The following AHCY variants were observed in gnomAD, a reference collection of about 807,000 sequenced individuals.
AHCY encodes adenosylhomocysteinase, also known as S-adenosyl-L-homocysteine hydrolase.
Under a neutral mutation model 45.4 loss-of-function variants are expected in AHCY, and 24 were observed. The ratio of observed to expected loss-of-function variants is 0.53; its 90% CI spans 0.38 to 0.74. The LOEUF (loss-of-function observed/expected upper bound fraction) is 0.74, where lower values mean the gene tolerates loss of function less well. Among genes scored for constraint, AHCY ranks in the 30% least tolerant of loss-of-function variants. The pLI is 0.00. For synonymous variants in AHCY, 245 were observed against 235.1 expected, an observed-to-expected ratio of 1.04 and a Z score of -0.39; for missense variants, 449 against 594.1, an observed-to-expected ratio of 0.76 and a Z score of 2.54.
At chr20:34,266,662 G>A in the AHCY span, among the ~76,000 whole-genome samples, 1 of 152,124 alleles carries the variant, frequency 6.6e-6, no homozygotes. Context: ...GACACAGCAA[G>A]ACTCCATCTC....
the AHCY span, among the ~76,000 whole-genome samples, chr20:34,268,356 C>A: frequency 6.6e-6 from 1 of 152,026 alleles, no homozygotes; most frequent in Non-Finnish European, 1.5e-5. Context: ...TAACAGGGGT[C>A]GGAGAGGCAA....
the AHCY span, among the ~76,000 whole-genome samples, chr20:34,254,733 C>T: frequency 2.0e-5 from 3 of 152,128 alleles, no homozygotes; most frequent in Non-Finnish European, 4.4e-5. Context: ...CTAACGTTCA[C>T]AAAGTTCTGA....
the AHCY span, among the ~76,000 whole-genome samples, chr20:34,273,550 C>T: frequency 6.6e-6 from 1 of 152,172 alleles, no homozygotes; most frequent in South Asian, 2.1e-4. Flanking sequence ...TTTTGAGCAA[C>T]CACAGATCTA....
At chr20:34,235,544 T>G in the AHCY span, among the ~76,000 whole-genome samples, 1 of 152,254 alleles carries the variant, frequency 6.6e-6, no homozygotes, top group Admixed American at 6.5e-5. Flanking sequence ...ATGACCTAGA[T>G]TGAAGACCAG....
chr20:34,233,553 C>T, the AHCY span, among the ~76,000 whole-genome samples: 354 of 152,236 alleles, frequency 2.3e-3, 3 homozygotes, highest in African/African-American at 8.0e-3. Flanking sequence ...AAAAACCTTC[C>T]AAAGGGTGAA....
the AHCY span, among the ~76,000 whole-genome samples, chr20:34,265,039 G>A: frequency 6.6e-6 from 1 of 151,898 alleles, no homozygotes; most frequent in Non-Finnish European, 1.5e-5. Context: ...CAGGCAATCC[G>A]CTGCTTCTGT....
the AHCY span, among the ~76,000 whole-genome samples, chr20:34,255,608 G>A: frequency 6.6e-6 from 1 of 152,158 alleles, no homozygotes; most frequent in Non-Finnish European, 1.5e-5. Flanking sequence ...TTAGTTTGTA[G>A]CATTACTCTT....
At chr20:34,243,558 G>C in the AHCY span, among the ~76,000 whole-genome samples, 12 of 152,066 alleles carry the variant, frequency 7.9e-5, no homozygotes, top group Admixed American at 1.3e-4. Context: ...CATTTGCTAA[G>C]AACTGTGGAG....
At chr20:34,299,889 C>T (rs192516397) in intron 1 of AHCY, among the ~76,000 whole-genome samples, 1 of 152,254 alleles carries the variant, frequency 6.6e-6, no homozygotes, top group Admixed American at 6.5e-5. Flanking sequence ...TTCATCTAAA[C>T]TGTCACTTCT....
the AHCY span, among the ~76,000 whole-genome samples, chr20:34,239,930 A>G: frequency 6.6e-6 from 1 of 152,240 alleles, no homozygotes; most frequent in Non-Finnish European, 1.5e-5. Context: ...GAAGCAATAC[A>G]TTGTGACTGT....
At chr20:34,302,852 G>A in intron 1 of AHCY, 5 of 985,440 alleles carry the variant, frequency 5.1e-6, no homozygotes, top group Non-Finnish European at 3.6e-6. Context: ...GTGGACGCTC[G>A]TCGGGGCCGC....
At chr20:34,235,931 C>T in the AHCY span, among the ~76,000 whole-genome samples, 4 of 49,284 alleles carry the variant, frequency 8.1e-5, no homozygotes, top group Non-Finnish European at 1.2e-4. Context: ...AGGAAGGAAG[C>T]GGGAGGGAGG....
chr20:34,285,896 C>A, intron 8 of AHCY: 1 of 457,080 alleles, frequency 2.2e-6, no homozygotes, highest in Non-Finnish European at 4.1e-6. Flanking sequence ...GTCAGGAGAT[C>A]GAGATTATCT....
the AHCY span, chr20:34,246,347 G>A: frequency 1.3e-6 from 2 of 1,532,230 alleles, no homozygotes; most frequent in Non-Finnish European, 1.8e-6. Context: ...AGTAAATTTT[G>A]CAAGTTCATT....
the AHCY span, among the ~76,000 whole-genome samples, chr20:34,233,055 G>A: frequency 6.6e-6 from 1 of 150,882 alleles, no homozygotes; most frequent in Non-Finnish European, 1.5e-5. Flanking sequence ...TCCCAACCCA[G>A]TAGCTGTAAC....
intron 2 of AHCY, among the ~76,000 whole-genome samples, chr20:34,294,698 G>T (rs892007140): frequency 6.6e-6 from 1 of 152,146 alleles, no homozygotes; most frequent in African/African-American, 2.4e-5. Flanking sequence ...CTGTTTGAAC[G>T]CGTTCTGCCT....
chr20:34,301,753 A>G, intron 1 of AHCY: 6 of 950,812 alleles, frequency 6.3e-6, no homozygotes, highest in Non-Finnish European at 7.5e-6. Flanking sequence ...TGACCTTCAC[A>G]TAACCTTTCT....
intron 8 of AHCY, among the ~76,000 whole-genome samples, chr20:34,287,667 C>T (rs1360707122): frequency 6.6e-6 from 1 of 151,824 alleles, no homozygotes; most frequent in Non-Finnish European, 1.5e-5. Flanking sequence ...GCTGGAATTA[C>T]AGGTGTGTGC....
At chr20:34,233,143 C>CTT in the AHCY span, among the ~76,000 whole-genome samples, 8,670 of 100,286 alleles carry the variant, frequency 0.086, 1,830 homozygotes, top group African/African-American at 0.35. Flanking sequence ...GGGACAAGAG[C>CTT]TTTTTTTTTT....
Sources: allele counts gnomAD v4.1 joint callset (sites outside exome capture counted in the v4.1 genomes callset), GRCh38; gene constraint gnomAD v4.1.1; transcripts MANE v1.5; gene names NCBI Gene and HGNC (gene_info 2026-07-23, HGNC 2026-07-21).